The following ITGA7 variants were observed in gnomAD, a reference collection of about 807,000 sequenced individuals.
ITGA7 encodes integrin alpha-7.
A neutral mutation model predicts 131.6 loss-of-function variants in ITGA7; 84 were observed. That is an observed-to-expected ratio of 0.64 (90% CI 0.54 to 0.77). The LOEUF is 0.77. Ranked by LOEUF, ITGA7 falls within the 30% of genes least tolerant of loss-of-function variation. The pLI is 0.00. For synonymous variants in ITGA7, 548 were observed against 600.7 expected (o/e 0.91, Z 1.28); for missense variants, 1,399 against 1,482.9 (o/e 0.94, Z 0.93).
intron 14 of ITGA7, 149 bp from the exon 15 acceptor site, chr12:55,695,119 C>T (rs1872355501): frequency 1.3e-6 from 1 of 751,274 alleles, no homozygotes; most frequent in Non-Finnish European, 2.2e-6. Flanking sequence ...CCTCAGGCCT[C>T]TGTACACACG....
Position 55,696,906 on chromosome 12 carries a change from TG to T in ITGA7, c.1729del (p.Gln577SerfsTer14), listed in dbSNP as rs1453991710. On this transcript the variant is annotated frameshift_variant, in exon 12 of 25. Coordinates refer to ENST00000257879, the MANE Select transcript of ITGA7 (RefSeq NM_002206.3). LOFTEE classifies it high-confidence loss of function. ...CAAGGGGTCAGTGTCCACCTGGAGCTGGAACATGGCGTCTCCACAGACTCGG... is the reference window on the plus strand; with the variant it reads ...CAAGGGGTCAGTGTCCACCTGGAGCTGAACATGGCGTCTCCACAGACTCGG... ...HDRVCGDAMF[Q>X]LQENVKDKLR... The T allele has an allele frequency of 6.2e-7, 1 of 1,614,180 alleles. No homozygotes were observed. Among genetic ancestry groups the T allele is most frequent in the East Asian group, 2.2e-5 (1 of 44,894 alleles).
rs1274800271 is a variant in ITGA7, at chr12:55,684,713, A to T, written c.*345T>A. On this transcript the variant is annotated 3_prime_UTR_variant, in exon 25 of 25. Transcript: ENST00000257879. ...AACCTCCTCCCCGACCCTCTAGGTTAAGGCACTTCCGGGGAGGCAGGTCCT... is the reference window on the plus strand; with the variant it reads ...AACCTCCTCCCCGACCCTCTAGGTTTAGGCACTTCCGGGGAGGCAGGTCCT... 2 of 295,176 alleles carry T rather than the reference A, an allele frequency of 6.8e-6. No individual in the cohort carries two copies. Among genetic ancestry groups the T allele is most frequent in the East Asian group, 1.2e-4 (2 of 16,096 alleles). 18.3% of individuals were successfully genotyped at this position (295,176 alleles called of 1,614,324 possible). A position where few individuals can be genotyped will look rare whatever the true frequency, so the allele number is the denominator to read the frequency against.
upstream of ITGA7, among the ~76,000 whole-genome samples, chr12:55,713,672 T>C (rs1876296548): frequency 6.6e-6 from 1 of 152,228 alleles, no homozygotes; most frequent in Non-Finnish European, 1.5e-5. Flanking sequence ...ACAGTACACA[T>C]ATAATTTAGA....
At position 55,698,788 on chromosome 12, in the gene ITGA7, G is replaced by A; in HGVS notation, c.920C>T (p.Pro307Leu). The change falls in exon 6 of 25, where the codon CCC (proline) becomes CTC (leucine). Residue 307 changes from proline to leucine, a missense_variant. By Grantham distance (98) the Pro-to-Leu change is moderately conservative. Transcript: ENST00000257879. Reference sequence around the variant, plus strand: ...GCGCTCCCCAGACAGCATAACCTCGGGCACCAGGCGACTGGCGCTGTCCTT... The same window carrying A: ...GCGCTCCCCAGACAGCATAACCTCGAGCACCAGGCGACTGGCGCTGTCCTT... ...LRKDSASRLV[P>L]EVMLSGERLT... 6.2e-7 allele frequency: 1 copy of A among 1,614,146 alleles called. No individual in the cohort carries two copies. Among genetic ancestry groups the A allele is most frequent in the South Asian group, 1.1e-5 (1 of 91,084 alleles).
At position 55,684,879 on chromosome 12, in the gene ITGA7, C is replaced by G; in HGVS notation, c.*179G>C. On this transcript the variant is annotated 3_prime_UTR_variant, in exon 25 of 25. Coordinates refer to ENST00000257879, the MANE Select transcript of ITGA7 (RefSeq NM_002206.3). ...TTACCCACTCTCATCTCACAGCACT[C>G]TAAGGGGAAGTTGGGTGGGAGGAGT... is the stretch of plus-strand genomic sequence containing the variant. 1.6e-6 allele frequency: 1 copy of G among 607,362 alleles called. No individual in the cohort carries two copies. Among genetic ancestry groups the G allele is most frequent in the South Asian group, 2.0e-5 (1 of 49,070 alleles). The allele number at this position is 607,362 out of a possible 1,614,324, so 37.6% of individuals were successfully genotyped here. A position where few individuals can be genotyped will look rare whatever the true frequency, so the allele number is the denominator to read the frequency against.
intron 21 of ITGA7, among the ~76,000 whole-genome samples, chr12:55,689,505 G>A (rs192888023): frequency 3.3e-4 from 50 of 152,260 alleles, no homozygotes; most frequent in Non-Finnish European, 5.1e-4. Context: ...GGGTAGACAG[G>A]GGACTCAGGC....
At chr12:55,693,912 G>A in intron 19 of ITGA7, 109 bp downstream of exon 19, 1 of 883,900 alleles carries the variant, frequency 1.1e-6, no homozygotes, top group Non-Finnish European at 1.9e-6. Context: ...GCCTCAAACT[G>A]CATGCTGCCA....
rs57311080 is a variant in ITGA7, at chr12:55,703,417, TACACACACACAC to T, written c.207-251_207-240del. On this transcript the variant is annotated intron_variant, in intron 1 of 24. Transcript: ENST00000257879. ...ATAAGGGATCAACATACACAGTAGA[TACACACACACAC>T]ACACACACACACATACACGCCAACC... Among the ~76,000 whole-genome samples the T allele has an allele frequency of 3.8e-3, 571 of 148,896 alleles. 1 individual carries two copies. Among genetic ancestry groups the T allele is most frequent in the Non-Finnish European group, 5.9e-3 (394 of 67,120 alleles).
intron 21 of ITGA7, among the ~76,000 whole-genome samples, chr12:55,689,222 A>C (rs933895336): frequency 1.3e-5 from 2 of 152,232 alleles, no homozygotes; most frequent in Non-Finnish European, 2.9e-5. Flanking sequence ...ACCTAATGAC[A>C]GTCCCATTTA....
At chr12:55,695,271 A>C (rs1476841160) in intron 14 of ITGA7, 3 of 597,764 alleles carry the variant, frequency 5.0e-6, no homozygotes, top group Non-Finnish European at 8.9e-6. Flanking sequence ...TTTGAAGACT[A>C]ACCAATGAGA....
At chr12:55,700,589 A>C (rs936586401) in intron 4 of ITGA7, 2 of 666,234 alleles carry the variant, frequency 3.0e-6, no homozygotes, top group African/African-American at 3.6e-5. Flanking sequence ...AGCCAGCAGC[A>C]GCGTGCGGAG....
chr12:55,705,705 C>G (rs1239117883), intron 1 of ITGA7, among the ~76,000 whole-genome samples: 1 of 152,246 alleles, frequency 6.6e-6, no homozygotes, highest in Non-Finnish European at 1.5e-5. Flanking sequence ...ATGCACTATT[C>G]TAAGCATTTT....
At chr12:55,700,284 C>G in intron 4 of ITGA7, 1 of 1,607,484 alleles carries the variant, frequency 6.2e-7, no homozygotes, top group South Asian at 1.1e-5. Flanking sequence ...TGGCAGGGAC[C>G]GGGATGAGGC....
Position 55,698,464 on chromosome 12 carries a change from G to C in ITGA7, c.1111C>G (p.Leu371Val), listed in dbSNP as rs777475535. ...GAGTCAGGGGAGCCGCAGAGCCGGA[G>C]AGGGGAGATCCCAGCCCAGTGACCC... ...QGGHWAGISP[L>V]RLCGSPDSMF... Residue 371 changes from leucine (L) to valine (V), a missense_variant, in exon 7 of 25, where the codon CTC (leucine) becomes GTC (valine). Leu to Val is a conservative substitution (Grantham distance 32). Coordinates refer to ENST00000257879, the MANE Select transcript of ITGA7 (RefSeq NM_002206.3). 4 of 1,613,854 alleles carry C rather than the reference G, an allele frequency of 2.5e-6. No individual in the cohort carries two copies. In the South Asian group the frequency reaches 4.4e-5, roughly 18 times the overall value.
At chr12:55,703,249 TG>T (rs1160634232) in intron 1 of ITGA7, 71 bp from the exon 2 acceptor site, 3 of 1,539,402 alleles carry the variant, frequency 1.9e-6, no homozygotes, top group Non-Finnish European at 2.6e-6. Flanking sequence ...TCATTAGAGC[TG>T]CCCAGGCCCA....
At chr12:55,696,563 G>T in intron 12 of ITGA7, 131 bp from the exon 13 acceptor site, 1 of 1,069,270 alleles carries the variant, frequency 9.4e-7, no homozygotes. Context: ...GAGAGGTGGA[G>T]AACTGAGCAA....
chr12:55,708,109 C>T, upstream of ITGA7: 1 of 896,720 alleles, frequency 1.1e-6, no homozygotes, highest in Non-Finnish European at 1.3e-6. Context: ...GCGCGGCGCT[C>T]TCCTCCCCTT....
In ITGA7 at chr12:55,697,512, A is replaced by T; in HGVS notation, c.1444T>A (p.Ser482Thr). ...RPILHVSHEV[S>T]IAPRSIDLEQ... ...AGGTCGATGCTTCGTGGAGCAATAG[A>T]GACCTCATGGGAGACATGGAGGATG... is the stretch of plus-strand genomic sequence containing the variant. The change falls in exon 10 of 25, where the codon TCT becomes ACT. Residue 482 changes from serine to threonine, a missense_variant. Coordinates refer to ENST00000257879, the MANE Select transcript of ITGA7 (RefSeq NM_002206.3). 5 of 1,614,130 alleles carry T rather than the reference A, an allele frequency of 3.1e-6. No homozygotes were observed. The highest frequency in any genetic ancestry group is 4.2e-6 in the Non-Finnish European group (5 of 1,180,036).
chr12:55,694,287 C>T lies in ITGA7; in HGVS notation c.2401G>A (p.Val801Ile), dbSNP rs200397940. The T allele has an allele frequency of 5.4e-4, 876 of 1,614,072 alleles. 7 individuals carry two copies. Among genetic ancestry groups the T allele is most frequent in the Non-Finnish European group, 9.9e-5 (117 of 1,180,052 alleles). ...ELHPVSARAR[V>I]FIELPLSIAG... ...ATGGACAGTGGCAGCTCAATGAAGA[C>T]ACGGGCTCGTGCAGAGACTGGATGC... The change falls in exon 18 of 25, where the codon GTC becomes ATC. Residue 801 changes from valine to isoleucine, a missense_variant. Val to Ile is a conservative substitution (Grantham distance 29). Coordinates refer to ENST00000257879, the MANE Select transcript of ITGA7 (RefSeq NM_002206.3). This position sits in a 1 kb window ranked among gnomAD's most constrained non-coding sequence, Gnocchi z 5.3.
Sources: gnomAD v4.1 joint callset for allele counts (sites outside exome capture counted in the v4.1 genomes callset) on GRCh38, gnomAD v4.1.1 for gene constraint, Gnocchi (gnomAD v3.1) non-coding constraint, MANE v1.5 for transcripts, NCBI Gene and HGNC (gene_info 2026-07-23, HGNC 2026-07-21) for gene names.